Variants in LEF1 observed in about 807,000 individuals in gnomAD.
The protein encoded by LEF1 is lymphoid enhancer binding factor 1.
LEF1 carries 14 observed loss-of-function variants against 51.2 expected under a neutral mutation model. The ratio of observed to expected loss-of-function variants is 0.27; its 90% confidence interval spans 0.18 to 0.43. The LOEUF (loss-of-function observed/expected upper bound fraction) is 0.43, where lower values mean the gene tolerates loss of function less well. Ranked by LOEUF, LEF1 falls within the 20% of genes least tolerant of loss-of-function variation. The pLI, the probability that LEF1 is intolerant of heterozygous loss-of-function variation, is 1.00. For synonymous variants in LEF1, 185 were observed against 183.2 expected (o/e 1.01, Z -0.08); for missense variants, 386 against 512.0 (o/e 0.75, Z 2.37).
chr4:108,092,043 A>C lies in LEF1; in HGVS notation c.415-2786T>G, dbSNP rs914997741. 2.6e-5 allele frequency among the ~76,000 whole-genome samples: 4 copies of C among 152,230 alleles called. No homozygotes were observed. The South Asian group carries it at 8.3e-4, about 32-fold the overall frequency. ...CAGAGCACCACCTTAAGGAACTTGC[A>C]TTAGCAGGCAGCATCTTCTTAATGT... On this transcript the variant is annotated intron_variant, in intron 3 of 11. Transcript: ENST00000265165.
At chr4:108,079,226 C>CT (rs397943378) in intron 7 of LEF1, among the ~76,000 whole-genome samples, 31 of 7,128 alleles carry the variant, frequency 4.3e-3, no homozygotes, top group Middle Eastern at 0.5. Context: ...TGAAGAGTCT[C>CT]GAATGCCTAT....
In LEF1 at chr4:108,167,552, C is replaced by T; in HGVS notation, c.213+3G>A. The T allele has an allele frequency of 6.2e-7, 1 of 1,613,940 alleles. No homozygotes were observed. Among genetic ancestry groups the T allele is most frequent in the Admixed American group, 1.7e-5 (1 of 60,024 alleles). On this transcript the variant is annotated splice_donor_region_variant and intron_variant, in intron 1 of 11. Transcript: ENST00000265165. This position sits in a 1 kb window ranked among gnomAD's most constrained non-coding sequence, Gnocchi z 5.7. ...CTCGGAACTGGGGCAGCGGCCCGCT[C>T]ACCTCGTGTCCGTTGCTGGCCGGGA...
intron 8 of LEF1, among the ~76,000 whole-genome samples, chr4:108,071,362 T>C (rs1053870666): frequency 2.0e-5 from 3 of 152,186 alleles, no homozygotes; most frequent in African/African-American, 7.2e-5. Flanking sequence ...ACGCTGTCTA[T>C]AGGGACAACA....
intron 3 of LEF1, among the ~76,000 whole-genome samples, chr4:108,140,490 T>C (rs921596954): frequency 3.3e-5 from 5 of 152,224 alleles, no homozygotes; most frequent in South Asian, 2.1e-4. Context: ...TTTTGACTTA[T>C]TGTTTGAAGA....
chr4:108,049,239 G>A (rs1199341269), intron 11 of LEF1, among the ~76,000 whole-genome samples: 1 of 152,058 alleles, frequency 6.6e-6, no homozygotes, highest in Non-Finnish European at 1.5e-5. Flanking sequence ...TGCTCTGTCC[G>A]CTCACACTCA....
chr4:108,063,688 A>C, intron 10 of LEF1, 25 bp from the exon 11 acceptor site: 1 of 1,555,554 alleles, frequency 6.4e-7, no homozygotes, highest in South Asian at 1.2e-5. Context: ...GTCTTTAACA[A>C]ATTTTTATTG....
chr4:108,113,043 C>T (rs1056771868), intron 3 of LEF1, among the ~76,000 whole-genome samples: 1 of 152,204 alleles, frequency 6.6e-6, no homozygotes, highest in Non-Finnish European at 1.5e-5. Context: ...TGCCACATCT[C>T]TGAGCTGTGG....
At position 108,167,079 on chromosome 4, in the gene LEF1, C is replaced by G. The variant is rs1216327961; in HGVS notation, c.213+476G>C. 6.6e-6 allele frequency among the ~76,000 whole-genome samples: 1 copy of G among 152,172 alleles called. No individual in the cohort carries two copies. Among genetic ancestry groups the G allele is most frequent in the Non-Finnish European group, 1.5e-5 (1 of 68,014 alleles). The stretch of plus-strand genomic sequence containing the variant: ...CCCCTTCCTCCCGCCTGTGGCTCTG[C>G]TCGTCTCCACCTAAGCCTTTGGTGG... On this transcript the variant is annotated intron_variant, in intron 1 of 11. Transcript: ENST00000265165. This position sits in a 1 kb window ranked among gnomAD's most constrained non-coding sequence, Gnocchi z 5.7.
intron 3 of LEF1, among the ~76,000 whole-genome samples, chr4:108,123,436 T>TTG (rs1222484562): frequency 2.2e-5 from 3 of 136,952 alleles, no homozygotes; most frequent in African/African-American, 7.8e-5. Context: ...GGGTTGGTTT[T>TTG]TTTTTTTTTT....
At chr4:108,147,358 GA>G (rs767585611) in intron 3 of LEF1, among the ~76,000 whole-genome samples, 2 of 151,916 alleles carry the variant, frequency 1.3e-5, no homozygotes, top group South Asian at 4.2e-4. Flanking sequence ...TAACAAATAA[GA>G]ACAAAAACAA....
intron 3 of LEF1, among the ~76,000 whole-genome samples, chr4:108,105,645 C>T (rs6830001): frequency 0.029 from 4,379 of 152,196 alleles, 77 homozygotes; most frequent in Middle Eastern, 0.044. Flanking sequence ...ATGAGTTGTA[C>T]AGCTATGAAT....
At chr4:108,143,352 ATCTG>A (rs1743790208) in intron 3 of LEF1, among the ~76,000 whole-genome samples, 1 of 152,196 alleles carries the variant, frequency 6.6e-6, no homozygotes, top group African/African-American at 2.4e-5. Context: ...ACATCTCAAA[ATCTG>A]TATATTTTTC....
chr4:108,079,762 G>T, intron 6 of LEF1, 148 bp from the exon 7 acceptor site: 1 of 677,652 alleles, frequency 1.5e-6, no homozygotes, highest in Non-Finnish European at 2.3e-6. Flanking sequence ...ATTAGAGTGG[G>T]CCGATAATTA....
At chr4:108,165,224 A>T (rs1745311501) in intron 1 of LEF1, 61 bp from the exon 2 acceptor site, 11 of 1,457,558 alleles carry the variant, frequency 7.5e-6, no homozygotes. Flanking sequence ...TGTGACAATA[A>T]TGGTACAAAT....
intron 1 of LEF1, chr4:108,166,873 G>C: frequency 2.1e-6 from 2 of 954,352 alleles, no homozygotes; most frequent in Non-Finnish European, 2.5e-6. Context: ...GTGTACCCTT[G>C]CGGTGGGTCG....
At chr4:108,100,159 A>C (rs1039561815) in intron 3 of LEF1, among the ~76,000 whole-genome samples, 2 of 152,206 alleles carry the variant, frequency 1.3e-5, no homozygotes, top group African/African-American at 4.8e-5. Flanking sequence ...ACCTGAAATG[A>C]GTTGGAATTG....
intron 3 of LEF1, among the ~76,000 whole-genome samples, chr4:108,128,471 TAA>T (rs956141278): frequency 3.5e-4 from 53 of 150,434 alleles, no homozygotes; most frequent in African/African-American, 1.2e-3. Flanking sequence ...AAGGTGGGAT[TAA>T]AATTCTCAAG....
At chr4:108,062,269 A>G (rs1286670082) in intron 11 of LEF1, among the ~76,000 whole-genome samples, 1 of 152,220 alleles carries the variant, frequency 6.6e-6, no homozygotes, top group Non-Finnish European at 1.5e-5. Flanking sequence ...AAGTTTAGGT[A>G]AGGGCCACCT....
intron 3 of LEF1, among the ~76,000 whole-genome samples, chr4:108,149,653 GTA>G (rs1176632198): frequency 7.5e-5 from 11 of 146,884 alleles, no homozygotes; most frequent in Middle Eastern, 3.5e-3. Flanking sequence ...ATGTACATGT[GTA>G]TATATATATA....
Sources: gnomAD v4.1 joint callset for allele counts (sites outside exome capture counted in the v4.1 genomes callset) on GRCh38, gnomAD v4.1.1 for gene constraint, Gnocchi (gnomAD v3.1) non-coding constraint, MANE v1.5 for transcripts, NCBI Gene and HGNC (gene_info 2026-07-23, HGNC 2026-07-21) for gene names.